The following RASEF variants were observed in gnomAD, a reference collection of about 807,000 sequenced individuals.
The protein encoded by RASEF is RAS and EF-hand domain containing.
A neutral mutation model predicts 90.1 loss-of-function variants in RASEF; 68 were observed. The observed-to-expected ratio is 0.75, with a 90% CI of 0.62 to 0.92. The LOEUF (loss-of-function observed/expected upper bound fraction) is 0.92, where lower values mean the gene tolerates loss of function less well. Ranked by LOEUF, RASEF falls within the 40% of genes least tolerant of loss-of-function variation. The pLI, the probability that RASEF is intolerant of heterozygous loss-of-function variation, is 0.00. For synonymous variants in RASEF, 331 were observed against 345.2 expected (o/e 0.96, Z 0.46); for missense variants, 949 against 937.2 (o/e 1.01, Z -0.16).
intron 1 of RASEF, among the ~76,000 whole-genome samples, chr9:83,046,594 T>TA (rs1829934585): frequency 6.6e-6 from 1 of 152,238 alleles, no homozygotes; most frequent in Non-Finnish European, 1.5e-5. Context: ...AACACTAGTT[T>TA]ACAGCATTCC....
chr9:83,167,824 A>G, the RASEF span, among the ~76,000 whole-genome samples: 18 of 152,292 alleles, frequency 1.2e-4, no homozygotes, highest in South Asian at 2.1e-3. Context: ...TTCAAGATTC[A>G]TCATGTATCA....
intron 14 of RASEF, among the ~76,000 whole-genome samples, chr9:82,995,584 T>A (rs571179095): frequency 4.6e-5 from 7 of 152,270 alleles, no homozygotes; most frequent in African/African-American, 1.7e-4. Context: ...CAGCTGGGAC[T>A]AGAGGTCCAT....
At chr9:83,213,278 T>G in the RASEF span, among the ~76,000 whole-genome samples, 2 of 151,552 alleles carry the variant, frequency 1.3e-5, no homozygotes, top group Non-Finnish European at 2.9e-5. Context: ...CATGTGCCTG[T>G]AGTCCCAGCT....
the RASEF span, among the ~76,000 whole-genome samples, chr9:83,158,618 A>ATATT: frequency 1.1e-5 from 1 of 87,918 alleles, no homozygotes; most frequent in Non-Finnish European, 2.3e-5. Flanking sequence ...ATATATGTAT[A>ATATT]TATGTACATA....
At chr9:83,132,849 T>C in the RASEF span, among the ~76,000 whole-genome samples, 88 of 152,308 alleles carry the variant, frequency 5.8e-4, no homozygotes, top group African/African-American at 2.0e-3. Context: ...AAGATTTTAC[T>C]TTACCATGGT....
the RASEF span, among the ~76,000 whole-genome samples, chr9:83,179,870 T>A: frequency 6.6e-6 from 1 of 151,886 alleles, no homozygotes. Context: ...TACCTAAAAA[T>A]GACAGTAAAA....
the RASEF span, among the ~76,000 whole-genome samples, chr9:83,087,223 A>C: frequency 5.3e-5 from 8 of 152,096 alleles, no homozygotes; most frequent in African/African-American, 9.7e-5. Flanking sequence ...CTGTGGACGG[A>C]ATTGTGTCCC....
At chr9:83,086,204 A>G in the RASEF span, among the ~76,000 whole-genome samples, 5 of 152,308 alleles carry the variant, frequency 3.3e-5, no homozygotes, top group South Asian at 1.0e-3. Context: ...GAGACCATGT[A>G]TTTAGAAGCT....
intron 2 of RASEF, 60 bp downstream of exon 2, chr9:83,025,715 C>T: frequency 1.3e-6 from 2 of 1,547,356 alleles, no homozygotes; most frequent in Non-Finnish European, 1.8e-6. Context: ...CATTTGCCAC[C>T]CAGGTCAGAG....
chr9:83,009,405 C>G (rs1269345164), intron 6 of RASEF, among the ~76,000 whole-genome samples: 1 of 152,106 alleles, frequency 6.6e-6, no homozygotes, highest in Non-Finnish European at 1.5e-5. Context: ...CCAGTTAATT[C>G]AAACATTTAT....
the RASEF span, among the ~76,000 whole-genome samples, chr9:83,210,665 T>A: frequency 6.6e-6 from 1 of 152,272 alleles, no homozygotes; most frequent in Non-Finnish European, 1.5e-5. Context: ...TCTTTACTCA[T>A]GCTTATTATA....
At chr9:83,178,355 T>C in the RASEF span, among the ~76,000 whole-genome samples, 3 of 152,210 alleles carry the variant, frequency 2.0e-5, no homozygotes, top group African/African-American at 4.8e-5. Context: ...TTCATTAATA[T>C]TTGAAATTCT....
the RASEF span, among the ~76,000 whole-genome samples, chr9:83,178,894 T>A: frequency 5.3e-5 from 8 of 152,230 alleles, no homozygotes; most frequent in Non-Finnish European, 8.8e-5. Context: ...AGCATAACCT[T>A]CCATATTCCG....
chr9:83,102,082 G>A, the RASEF span, among the ~76,000 whole-genome samples: 1 of 152,086 alleles, frequency 6.6e-6, no homozygotes, highest in African/African-American at 2.4e-5. Flanking sequence ...AAAGGTGAAA[G>A]AGACATTTGT....
the RASEF span, among the ~76,000 whole-genome samples, chr9:83,198,631 C>T: frequency 6.6e-6 from 1 of 152,170 alleles, no homozygotes; most frequent in Non-Finnish European, 1.5e-5. Flanking sequence ...CTGTTCTTCT[C>T]AGCCCTGCAA....
intron 1 of RASEF, chr9:83,048,598 G>A (rs1587522431): frequency 3.0e-6 from 3 of 985,114 alleles, no homozygotes; most frequent in Non-Finnish European, 1.2e-6. Flanking sequence ...ATGAAAAATA[G>A]GAAAAAGGGC....
chr9:83,125,762 A>G, the RASEF span, among the ~76,000 whole-genome samples: 2 of 152,198 alleles, frequency 1.3e-5, no homozygotes, highest in African/African-American at 4.8e-5. Flanking sequence ...ACACACAGAT[A>G]AGGTTTGGAA....
the RASEF span, among the ~76,000 whole-genome samples, chr9:83,084,306 C>T: frequency 1.3e-5 from 2 of 152,126 alleles, no homozygotes; most frequent in Non-Finnish European, 2.9e-5. Context: ...ATATTTTAGT[C>T]TTTGCAGGGT....
chr9:83,210,407 C>T, the RASEF span, among the ~76,000 whole-genome samples: 3 of 152,142 alleles, frequency 2.0e-5, no homozygotes, highest in Non-Finnish European at 4.4e-5. Context: ...AATAGGGGAC[C>T]GAGGCTTAGA....
Sources: allele counts gnomAD v4.1 joint callset (sites outside exome capture counted in the v4.1 genomes callset), GRCh38; gene constraint gnomAD v4.1.1; transcripts MANE v1.5; gene names NCBI Gene and HGNC (gene_info 2026-07-23, HGNC 2026-07-21).